The following FAF1 variants were observed in gnomAD, a reference collection of about 807,000 sequenced individuals.
FAF1 encodes Fas associated factor 1, also known as FAS-associated factor 1.
Under a neutral mutation model 92.5 loss-of-function variants are expected in FAF1, and 25 were observed. That is an observed-to-expected ratio of 0.27 (90% CI 0.20 to 0.38). FAF1 has a LOEUF of 0.38. Among genes scored for constraint, FAF1 ranks in the 10% least tolerant of loss-of-function variants. FAF1 has a pLI of 1.00. For synonymous variants in FAF1, 234 were observed against 273.2 expected, an observed-to-expected ratio of 0.86 and a Z score of 1.42; for missense variants, 636 against 793.3, an observed-to-expected ratio of 0.80 and a Z score of 2.38.
At chr1:50,861,337 C>G (rs1384851061) in intron 1 of FAF1, among the ~76,000 whole-genome samples, 2 of 151,776 alleles carry the variant, frequency 1.3e-5, no homozygotes, top group Admixed American at 6.6e-5. Flanking sequence ...GAGATGAGGT[C>G]TTTGAGAGGT....
intron 8 of FAF1, among the ~76,000 whole-genome samples, chr1:50,628,100 T>C (rs1014995590): frequency 2.0e-5 from 3 of 152,160 alleles, no homozygotes; most frequent in African/African-American, 7.2e-5. Flanking sequence ...TTTAATGGTA[T>C]GTTTATGTTT....
At chr1:50,806,955 G>A (rs1417666078) in intron 2 of FAF1, among the ~76,000 whole-genome samples, 2 of 152,180 alleles carry the variant, frequency 1.3e-5, no homozygotes, top group Non-Finnish European at 2.9e-5. Context: ...TACCAGTGCA[G>A]CAAGAACTCT....
intron 6 of FAF1, among the ~76,000 whole-genome samples, chr1:50,718,903 C>G (rs1396899678): frequency 6.6e-6 from 1 of 152,068 alleles, no homozygotes; most frequent in Non-Finnish European, 1.5e-5. Flanking sequence ...TCTAAACTTA[C>G]AGAGTCATAT....
At chr1:50,586,289 T>C (rs1651228796) in intron 9 of FAF1, among the ~76,000 whole-genome samples, 1 of 152,078 alleles carries the variant, frequency 6.6e-6, no homozygotes, top group Non-Finnish European at 1.5e-5. Context: ...GCTCTTGGAG[T>C]TGGCCTTTTC....
chr1:50,471,794 CT>C (rs1417503160), intron 18 of FAF1, among the ~76,000 whole-genome samples: 1 of 152,066 alleles, frequency 6.6e-6, no homozygotes, highest in Non-Finnish European at 1.5e-5. Context: ...AAAGATCTCA[CT>C]TTCCAATTGT....
At chr1:50,769,955 G>C (rs1362385300) in intron 4 of FAF1, among the ~76,000 whole-genome samples, 2 of 152,118 alleles carry the variant, frequency 1.3e-5, no homozygotes, top group African/African-American at 4.8e-5. Flanking sequence ...GGAGGCTAAG[G>C]CAAGAGAATC....
At chr1:50,704,618 TA>T (rs1219010760) in intron 7 of FAF1, among the ~76,000 whole-genome samples, 4 of 152,206 alleles carry the variant, frequency 2.6e-5, no homozygotes, top group East Asian at 3.9e-4. Flanking sequence ...ATTTAGAGAA[TA>T]AAATACTCAT....
chr1:50,545,612 A>AT (rs1648975077), intron 13 of FAF1, among the ~76,000 whole-genome samples: 1 of 151,790 alleles, frequency 6.6e-6, no homozygotes, highest in Non-Finnish European at 1.5e-5. Flanking sequence ...AAAAAAAAAC[A>AT]TTTTTCACCT....
chr1:50,477,782 T>C (rs1646656076), intron 17 of FAF1, among the ~76,000 whole-genome samples: 2 of 152,250 alleles, frequency 1.3e-5, no homozygotes, highest in African/African-American at 4.8e-5. Flanking sequence ...TGGGAGCATG[T>C]ATTACTTCTC....
At chr1:50,923,614 G>T (rs2124735964) in intron 1 of FAF1, among the ~76,000 whole-genome samples, 1 of 151,972 alleles carries the variant, frequency 6.6e-6, no homozygotes, top group Middle Eastern at 3.4e-3. Flanking sequence ...AACCAGGCAA[G>T]AACACAACAA....
At chr1:50,729,550 G>C (rs1219587417) in intron 6 of FAF1, among the ~76,000 whole-genome samples, 11 of 151,714 alleles carry the variant, frequency 7.3e-5, no homozygotes, top group Admixed American at 7.2e-4. Flanking sequence ...GTGATTACAG[G>C]CATGTGCCAC....
chr1:50,619,298 G>A (rs1653081074), intron 8 of FAF1, among the ~76,000 whole-genome samples: 1 of 152,192 alleles, frequency 6.6e-6, no homozygotes, highest in African/African-American at 2.4e-5. Flanking sequence ...TGGCTGCTAT[G>A]TAGACCTGAT....
At chr1:50,748,248 C>A (rs762614986) in intron 4 of FAF1, among the ~76,000 whole-genome samples, 1 of 152,116 alleles carries the variant, frequency 6.6e-6, no homozygotes, top group Admixed American at 6.6e-5. Flanking sequence ...GTAATCCCAG[C>A]ACTTTGGGAG....
chr1:50,658,968 G>A (rs1655253035), intron 7 of FAF1, among the ~76,000 whole-genome samples: 1 of 152,158 alleles, frequency 6.6e-6, no homozygotes, highest in Non-Finnish European at 1.5e-5. Flanking sequence ...CATCAAAAGA[G>A]TGGGGATTTT....
intron 8 of FAF1, among the ~76,000 whole-genome samples, chr1:50,615,911 G>A (rs1325564085): frequency 2.0e-5 from 3 of 152,054 alleles, no homozygotes; most frequent in South Asian, 2.1e-4. Context: ...TGGGGACTAA[G>A]CCAAAAAAAT....
intron 6 of FAF1, among the ~76,000 whole-genome samples, chr1:50,736,015 G>A (rs941845643): frequency 2.6e-5 from 4 of 151,954 alleles, no homozygotes; most frequent in South Asian, 2.1e-4. Context: ...TACGGTGCCC[G>A]GCCAACATGT....
At chr1:50,647,211 G>C (rs578018572) in intron 8 of FAF1, among the ~76,000 whole-genome samples, 75 of 152,272 alleles carry the variant, frequency 4.9e-4, no homozygotes, top group African/African-American at 1.7e-3. Context: ...TTAATAGGTA[G>C]ACAAGACTGA....
chr1:50,582,706 G>A lies in FAF1; in HGVS notation c.1032-7C>T. 6.5e-7 allele frequency: 1 copy of A among 1,550,184 alleles called. No individual in the cohort carries two copies. The highest frequency in any genetic ancestry group is 8.9e-7 in the Non-Finnish European group (1 of 1,122,918). Reference sequence around the variant, plus strand: ...AGGATGGCAATCACCATATCTATAGGAAAAAGTGAGTCTATTAATTAAAAT... The same window carrying A: ...AGGATGGCAATCACCATATCTATAGAAAAAAGTGAGTCTATTAATTAAAAT... On this transcript the variant is annotated splice_polypyrimidine_tract_variant and splice_region_variant and intron_variant, in intron 11 of 18. Transcript: ENST00000396153.
At chr1:50,686,615 G>A (rs1656670921) in intron 7 of FAF1, among the ~76,000 whole-genome samples, 2 of 140,748 alleles carry the variant, frequency 1.4e-5, no homozygotes, top group South Asian at 2.5e-4. Flanking sequence ...GGGAGGGAGG[G>A]GAGGGGAGCG....
Sources: gnomAD v4.1 joint callset for allele counts (sites outside exome capture counted in the v4.1 genomes callset) on GRCh38, gnomAD v4.1.1 for gene constraint, MANE v1.5 for transcripts, NCBI Gene and HGNC (gene_info 2026-07-23, HGNC 2026-07-21) for gene names.